Variants in ADGRV1 observed in about 807,000 individuals in gnomAD.
The protein encoded by ADGRV1 is adhesion G protein-coupled receptor V1.
ADGRV1 carries 359 observed loss-of-function variants against 596.2 expected under a neutral mutation model. That is an observed-to-expected ratio of 0.60 (90% CI 0.55 to 0.66). The LOEUF (loss-of-function observed/expected upper bound fraction) is 0.66. Ranked by LOEUF, ADGRV1 falls within the 30% of genes least tolerant of loss-of-function variation. ADGRV1 has a pLI of 0.00. For missense variants in ADGRV1, 7,274 were observed against 7,575.6 expected (o/e 0.96, Z 1.48); for synonymous variants, 2,681 against 2,679.2 (o/e 1.00, Z -0.02).
chr5:90,755,537 G>T (rs1362513265), intron 55 of ADGRV1, among the ~76,000 whole-genome samples: 3 of 151,750 alleles, frequency 2.0e-5, no homozygotes, highest in African/African-American at 4.8e-5. Context: ...AATCAATCTG[G>T]TTATTTTTAT....
chr5:90,643,474 A>G (rs1017768681), intron 13 of ADGRV1, among the ~76,000 whole-genome samples: 1 of 152,202 alleles, frequency 6.6e-6, no homozygotes, highest in African/African-American at 2.4e-5. Context: ...TTACTCACCA[A>G]TACATATGTA....
chr5:90,629,161 T>A (rs1162831409), intron 8 of ADGRV1, 49 bp from the exon 9 acceptor site: 1 of 1,047,174 alleles, frequency 9.5e-7, no homozygotes, highest in Non-Finnish European at 1.3e-6. Context: ...AGTTTGATCA[T>A]CTCAGATGCG....
At chr5:90,698,710 G>A (rs16868999) in intron 34 of ADGRV1, among the ~76,000 whole-genome samples, 49,423 of 151,712 alleles carry the variant, frequency 0.33, 8,446 homozygotes, top group Admixed American at 0.48. Flanking sequence ...TGACTTTTGT[G>A]GACAGAGGAA....
intron 83 of ADGRV1, among the ~76,000 whole-genome samples, chr5:90,961,281 A>G (rs1410528760): frequency 6.6e-6 from 1 of 152,036 alleles, no homozygotes; most frequent in Non-Finnish European, 1.5e-5. Flanking sequence ...CGGGCGGATC[A>G]TGAGGTCAGG....
chr5:90,866,216 C>T (rs181128303), intron 83 of ADGRV1, among the ~76,000 whole-genome samples: 2 of 151,838 alleles, frequency 1.3e-5, no homozygotes, highest in East Asian at 1.9e-4. Context: ...ATAATGGGTC[C>T]GTGAATCAGA....
chr5:90,590,499 C>T (rs932955514), intron 1 of ADGRV1, among the ~76,000 whole-genome samples: 1 of 152,176 alleles, frequency 6.6e-6, no homozygotes, highest in Non-Finnish European at 1.5e-5. Context: ...CTTAGGTAGT[C>T]AGATCCCTTA....
chr5:90,809,856 T>C (rs1247448702), intron 73 of ADGRV1, among the ~76,000 whole-genome samples: 1 of 152,210 alleles, frequency 6.6e-6, no homozygotes, highest in Non-Finnish European at 1.5e-5. Context: ...TATTTCTATT[T>C]GGTAGATAAC....
chr5:91,044,516 A>G (rs991373949), intron 85 of ADGRV1, among the ~76,000 whole-genome samples: 1 of 152,186 alleles, frequency 6.6e-6, no homozygotes, highest in Non-Finnish European at 1.5e-5. Flanking sequence ...GAATCATTCA[A>G]CAATGAAATG....
chr5:90,891,190 T>C (rs1770786416), intron 83 of ADGRV1, among the ~76,000 whole-genome samples: 2 of 148,040 alleles, frequency 1.4e-5, no homozygotes, highest in Admixed American at 1.4e-4. Flanking sequence ...ATATATTATT[T>C]ATATATATTA....
In ADGRV1 at chr5:90,568,130, A is replaced by G. The variant is rs550510577; in HGVS notation, c.22+9213A>G. On this transcript the variant is annotated intron_variant, in intron 1 of 89. Coordinates refer to ENST00000405460, the MANE Select transcript of ADGRV1 (RefSeq NM_032119.4). Reference sequence around the variant, plus strand: ...ATATTTTATTTGTTCCCACTCAAATATTTTTTCTTTGTTTCCTTCTGCTTG... The same window carrying G: ...ATATTTTATTTGTTCCCACTCAAATGTTTTTTCTTTGTTTCCTTCTGCTTG... Among the ~76,000 whole-genome samples the G allele has an allele frequency of 9.9e-5, 15 of 151,324 alleles. No homozygotes were observed. The South Asian group carries it at 3.1e-3, about 32-fold the overall frequency.
chr5:91,069,829 T>A (rs2151386270), intron 85 of ADGRV1, among the ~76,000 whole-genome samples: 1 of 151,976 alleles, frequency 6.6e-6, no homozygotes, highest in East Asian at 1.9e-4. Flanking sequence ...ACAGCACTAT[T>A]CACAATAGCA....
At position 90,558,861 on chromosome 5, in the gene ADGRV1, G is replaced by T; in HGVS notation, c.-35G>T. 6.4e-7 allele frequency: 1 copy of T among 1,560,532 alleles called. No individual in the cohort carries two copies. The highest frequency in any genetic ancestry group is 8.7e-7 in the Non-Finnish European group (1 of 1,151,334). On this transcript the variant is annotated 5_prime_UTR_variant, in exon 1 of 90. Transcript: ENST00000405460. The stretch of plus-strand genomic sequence containing the variant: ...GGAGTCAGAGGCAGAGCGAGGGTGT[G>T]TGGAGGGCCGGCGGGGACCGCCGGG...
chr5:90,710,772 T>G (rs1749234506), intron 39 of ADGRV1, among the ~76,000 whole-genome samples: 1 of 152,214 alleles, frequency 6.6e-6, no homozygotes, highest in African/African-American at 2.4e-5. Flanking sequence ...TAAATTTCTA[T>G]AAATCAGTGG....
At chr5:91,018,712 T>C (rs563421069) in intron 85 of ADGRV1, among the ~76,000 whole-genome samples, 2 of 152,134 alleles carry the variant, frequency 1.3e-5, no homozygotes, top group South Asian at 2.1e-4. Context: ...AGCAGAGTTA[T>C]ACTGATTCAA....
intron 85 of ADGRV1, among the ~76,000 whole-genome samples, chr5:90,989,164 G>A (rs558543068): frequency 6.6e-6 from 1 of 152,064 alleles, no homozygotes; most frequent in Admixed American, 6.6e-5. Flanking sequence ...CCAGTAATGG[G>A]ATCGCTGGGT....
intron 85 of ADGRV1, among the ~76,000 whole-genome samples, chr5:91,000,904 C>G (rs1004230835): frequency 6.6e-6 from 1 of 152,042 alleles, no homozygotes; most frequent in Non-Finnish European, 1.5e-5. Context: ...GAAGGATCAG[C>G]CTTTTTTCCT....
At chr5:90,667,148 A>G (rs1224276405) in intron 21 of ADGRV1, among the ~76,000 whole-genome samples, 1 of 148,700 alleles carries the variant, frequency 6.7e-6, no homozygotes, top group Non-Finnish European at 1.5e-5. Flanking sequence ...CTGAATCTGA[A>G]CGTTGGCCTG....
chr5:90,931,609 A>C (rs1383924780), intron 83 of ADGRV1, among the ~76,000 whole-genome samples: 2 of 152,236 alleles, frequency 1.3e-5, no homozygotes, highest in African/African-American at 4.8e-5. Flanking sequence ...CATTTTGCTT[A>C]TGTGCCAAAT....
intron 87 of ADGRV1, among the ~76,000 whole-genome samples, chr5:91,140,917 A>G (rs1215289151): frequency 2.6e-5 from 4 of 152,316 alleles, no homozygotes; most frequent in Non-Finnish European, 5.9e-5. Context: ...TCAAAAGGAA[A>G]GGCTGAAGAA....
Sources: gnomAD v4.1 joint callset for allele counts (sites outside exome capture counted in the v4.1 genomes callset) on GRCh38, gnomAD v4.1.1 for gene constraint, MANE v1.5 for transcripts, NCBI Gene and HGNC (gene_info 2026-07-23, HGNC 2026-07-21) for gene names.